ZFHX3: variants seen among roughly 807,000 people sequenced by gnomAD.
The protein encoded by ZFHX3 is zinc finger homeobox protein 3.
In ZFHX3, 42 loss-of-function variants were observed where a neutral mutation model predicts 279.1. The observed-to-expected ratio is 0.15, with a 90% CI of 0.12 to 0.19. The LOEUF is 0.19. ZFHX3 is among the 10% of genes least tolerant of loss of function. The pLI, the probability that ZFHX3 is intolerant of heterozygous loss-of-function variation, is 1.00. For missense variants in ZFHX3, 4,981 were observed against 4,754.0 expected (o/e 1.05, Z -1.40); for synonymous variants, 2,293 against 1,957.8 (o/e 1.17, Z -4.52).
chr16:73,432,610 C>T (rs918331625), intron 3 of ZFHX3, among the ~76,000 whole-genome samples: 1 of 152,140 alleles, frequency 6.6e-6, no homozygotes, highest in Non-Finnish European at 1.5e-5. Context: ...TGTTTGTCAC[C>T]TCATGCCTCT....
intron 1 of ZFHX3, among the ~76,000 whole-genome samples, chr16:73,851,071 C>T (rs896128881): frequency 3.3e-5 from 5 of 152,140 alleles, no homozygotes; most frequent in Non-Finnish European, 7.3e-5. Flanking sequence ...CAAGAGACCA[C>T]AATATCTTCA....
chr16:72,869,718 T>A (rs1051058118), intron 4 of ZFHX3, among the ~76,000 whole-genome samples: 1 of 152,194 alleles, frequency 6.6e-6, no homozygotes, highest in African/African-American at 2.4e-5. Flanking sequence ...CCCTATTGAT[T>A]TTTATTAGCC....
chr16:73,418,436 G>C (rs1406251313), intron 3 of ZFHX3, among the ~76,000 whole-genome samples: 1 of 152,226 alleles, frequency 6.6e-6, no homozygotes, highest in East Asian at 1.9e-4. Flanking sequence ...AGGAGTGGTG[G>C]GGGGAAGAGG....
intron 2 of ZFHX3, among the ~76,000 whole-genome samples, chr16:73,536,906 G>C (rs1371961979): frequency 2.0e-5 from 3 of 152,062 alleles, no homozygotes; most frequent in Admixed American, 6.6e-5. Flanking sequence ...AGATGTATTT[G>C]CATAGGTTAA....
intron 1 of ZFHX3, among the ~76,000 whole-genome samples, chr16:73,703,719 G>A (rs7190215): frequency 0.76 from 115,888 of 151,590 alleles, 46,708 homozygotes; most frequent in Non-Finnish European, 0.9. Flanking sequence ...TGCAATAACT[G>A]AACAGAAGTA....
chr16:73,200,916 T>C (rs927814606), intron 5 of ZFHX3, among the ~76,000 whole-genome samples: 3 of 152,220 alleles, frequency 2.0e-5, no homozygotes, highest in African/African-American at 2.4e-5. Flanking sequence ...AATTTTCCAA[T>C]GCCTTGGGAC....
chr16:73,889,567 T>C (rs1256692052), intron 1 of ZFHX3, among the ~76,000 whole-genome samples: 1 of 152,176 alleles, frequency 6.6e-6, no homozygotes, highest in African/African-American at 2.4e-5. Flanking sequence ...TAGGGTGAAG[T>C]ACCTATGATC....
intron 1 of ZFHX3, among the ~76,000 whole-genome samples, chr16:73,773,717 A>G (rs531668517): frequency 4.6e-5 from 7 of 152,304 alleles, no homozygotes; most frequent in Middle Eastern, 3.4e-3. Flanking sequence ...AGTGTTAGTT[A>G]TGTGAAGTTG....
intron 5 of ZFHX3, among the ~76,000 whole-genome samples, chr16:73,191,738 C>G (rs1005926147): frequency 6.7e-6 from 1 of 150,216 alleles, no homozygotes; most frequent in African/African-American, 2.5e-5. Context: ...TTTTTTTCTG[C>G]GGGAAGACAA....
intron 1 of ZFHX3, among the ~76,000 whole-genome samples, chr16:73,847,915 T>G (rs1041666157): frequency 4.8e-5 from 7 of 144,934 alleles, no homozygotes; most frequent in South Asian, 2.3e-4. Flanking sequence ...TTTTTTTTTT[T>G]TTTTTTTTTT....
At position 73,731,519 on chromosome 16, in the gene ZFHX3, C is replaced by T. The variant is rs189362769; in HGVS notation, c.-1607-51279G>A. Among the ~76,000 whole-genome samples the T allele has an allele frequency of 5.3e-5, 8 of 151,858 alleles. No individual in the cohort carries two copies. The East Asian group carries it at 1.5e-3, about 29-fold the overall frequency. ...AAATCTCTAATTTAATAATCACCTGCAAAGTGTTATTGTGATCGGAACAAA... is the reference window on the plus strand; with the variant it reads ...AAATCTCTAATTTAATAATCACCTGTAAAGTGTTATTGTGATCGGAACAAA... On this transcript the variant is annotated intron_variant, in intron 1 of 17. Transcript: ENST00000641206.
chr16:72,956,459 C>T (rs1485044662), intron 2 of ZFHX3, among the ~76,000 whole-genome samples: 1 of 152,190 alleles, frequency 6.6e-6, no homozygotes, highest in Non-Finnish European at 1.5e-5. Context: ...TCATGAAACC[C>T]ATCTGTAGAT....
chr16:73,888,015 TA>T (rs2030405213), intron 1 of ZFHX3, among the ~76,000 whole-genome samples: 1 of 152,144 alleles, frequency 6.6e-6, no homozygotes, highest in Non-Finnish European at 1.5e-5. Flanking sequence ...AGCAGCAAGA[TA>T]AAAACAGCTC....
chr16:73,109,410 T>C (rs1966343859), intron 7 of ZFHX3, among the ~76,000 whole-genome samples: 1 of 152,172 alleles, frequency 6.6e-6, no homozygotes, highest in Admixed American at 6.5e-5. Context: ...TAAATGTGAT[T>C]GAACATTTTG....
intron 3 of ZFHX3, among the ~76,000 whole-genome samples, chr16:73,417,531 C>G (rs1045541728): frequency 2.0e-5 from 3 of 151,060 alleles, no homozygotes; most frequent in African/African-American, 7.3e-5. Flanking sequence ...CATGCCCAGC[C>G]GATTTCCTAA....
chr16:73,055,698 GCACACACA>G (rs71156135), intron 1 of ZFHX3, among the ~76,000 whole-genome samples: 1 of 109,434 alleles, frequency 9.1e-6, no homozygotes, highest in African/African-American at 2.9e-5. Context: ...GCGCGCGCGC[GCACACACA>G]CACACACACA....
At chr16:73,115,304 G>A (rs1966418551) in intron 7 of ZFHX3, among the ~76,000 whole-genome samples, 1 of 146,654 alleles carries the variant, frequency 6.8e-6, no homozygotes, top group Non-Finnish European at 1.5e-5. Flanking sequence ...ACTTTGGGAG[G>A]CTTAGGCAGG....
At chr16:73,156,780 C>T (rs184112891) in intron 5 of ZFHX3, among the ~76,000 whole-genome samples, 192 of 151,890 alleles carry the variant, frequency 1.3e-3, no homozygotes, top group African/African-American at 4.3e-3. Context: ...ATGGTGTGAT[C>T]TTGGCTCACT....
At chr16:73,713,780 G>A (rs920846447) in intron 1 of ZFHX3, among the ~76,000 whole-genome samples, 3 of 152,040 alleles carry the variant, frequency 2.0e-5, no homozygotes, top group Admixed American at 6.5e-5. Flanking sequence ...CACAGCAAGC[G>A]AGCGATACAA....
Sources: gnomAD v4.1 joint callset for allele counts (sites outside exome capture counted in the v4.1 genomes callset) on GRCh38, gnomAD v4.1.1 for gene constraint, MANE v1.5 for transcripts, NCBI Gene and HGNC (gene_info 2026-07-23, HGNC 2026-07-21) for gene names.